Variants in ATG4B observed in about 807,000 individuals in gnomAD.
The protein encoded by ATG4B is autophagy related 4B cysteine peptidase.
In ATG4B, 29 loss-of-function variants were observed where a neutral mutation model predicts 56.6. The ratio of observed to expected loss-of-function variants is 0.51; its 90% CI spans 0.38 to 0.70. The LOEUF (loss-of-function observed/expected upper bound fraction) is 0.70, where lower values mean the gene tolerates loss of function less well. ATG4B is among the 30% of genes least tolerant of loss of function. The pLI, the probability that ATG4B is intolerant of heterozygous loss-of-function variation, is 0.00. For missense variants in ATG4B, 461 were observed against 515.5 expected, an observed-to-expected ratio of 0.89 and a Z score of 1.02; for synonymous variants, 224 against 206.1, an observed-to-expected ratio of 1.09 and a Z score of -0.74.
intron 7 of ATG4B, among the ~76,000 whole-genome samples, chr2:241,660,846 C>T (rs959510685): frequency 1.3e-5 from 2 of 152,324 alleles, no homozygotes; most frequent in African/African-American, 2.4e-5. Flanking sequence ...CTTACCCCCT[C>T]GTTCCGCACG....
In ATG4B at chr2:241,655,876, C is replaced by G. The variant is rs547953703; in HGVS notation, c.458+533C>G. On this transcript the variant is annotated intron_variant, in intron 6 of 12. Coordinates refer to ENST00000404914, the MANE Select transcript of ATG4B (RefSeq NM_013325.5). ...GCCCCCCAGATTCCTCTGAGATGAC[C>G]TTCCCTGCAGTTCCAGAAACTTGCC... Among the ~76,000 whole-genome samples the G allele has an allele frequency of 3.3e-5, 5 of 152,318 alleles. No individual in the cohort carries two copies. In the East Asian group the frequency reaches 5.8e-4, roughly 18 times the overall value.
intron 1 of ATG4B, among the ~76,000 whole-genome samples, chr2:241,642,570 T>TG (rs2067924542): frequency 2.8e-4 from 1 of 3,588 alleles, no homozygotes; most frequent in Non-Finnish European, 7.6e-4. Flanking sequence ...AATTTACTCG[T>TG]TTTTTTTTGT....
intron 1 of ATG4B, among the ~76,000 whole-genome samples, chr2:241,644,637 G>T (rs1450435039): frequency 6.6e-6 from 1 of 152,066 alleles, no homozygotes; most frequent in African/African-American, 2.4e-5. Flanking sequence ...TCAGACTCCA[G>T]AACCAAACCT....
chr2:241,669,538 C>T (rs1486948049), intron 10 of ATG4B, among the ~76,000 whole-genome samples: 1 of 152,194 alleles, frequency 6.6e-6, no homozygotes, highest in Non-Finnish European at 1.5e-5. Flanking sequence ...GACGGAGTCT[C>T]ACTCTGTCGC....
chr2:241,672,678 A>G lies in ATG4B; in HGVS notation c.*414A>G. The G allele has an allele frequency of 4.3e-6, 1 of 233,872 alleles. No homozygotes were observed. The allele number at this position is 233,872 out of a possible 1,614,324, so 14.5% of individuals were successfully genotyped here. On this transcript the variant is annotated 3_prime_UTR_variant, in exon 13 of 13. Coordinates refer to ENST00000404914, the MANE Select transcript of ATG4B (RefSeq NM_013325.5). ...GCTCCCTGAGTCAGAGTCTCAGAAGACCTGTGCAGGCTGGCGTGAGAGGAG... is the reference window on the plus strand; with the variant it reads ...GCTCCCTGAGTCAGAGTCTCAGAAGGCCTGTGCAGGCTGGCGTGAGAGGAG...
chr2:241,654,499 T>G, intron 4 of ATG4B, 47 bp from the exon 5 acceptor site: 2 of 1,352,244 alleles, frequency 1.5e-6, no homozygotes, highest in Non-Finnish European at 2.1e-6. Flanking sequence ...TGAAAACTTG[T>G]TTCTCATATT....
At chr2:241,663,901 C>T (rs2068671031) in intron 7 of ATG4B, among the ~76,000 whole-genome samples, 1 of 151,902 alleles carries the variant, frequency 6.6e-6, no homozygotes, top group Non-Finnish European at 1.5e-5. Context: ...TTTCCGCTGC[C>T]CAGGTTCAAG....
intron 3 of ATG4B, among the ~76,000 whole-genome samples, chr2:241,653,119 C>T (rs1401322608): frequency 1.3e-5 from 2 of 152,254 alleles, no homozygotes; most frequent in African/African-American, 4.8e-5. Flanking sequence ...GCGGCCCTTC[C>T]TGTGCTCTCA....
At chr2:241,666,518 A>G in intron 7 of ATG4B, 127 bp from the exon 8 acceptor site, 1 of 997,742 alleles carries the variant, frequency 1.0e-6, no homozygotes, top group Non-Finnish European at 1.5e-6. Flanking sequence ...TCCAAGTTTG[A>G]ATTTCACTGT....
intron 7 of ATG4B, among the ~76,000 whole-genome samples, chr2:241,665,119 CTA>C (rs2068722152): frequency 6.6e-6 from 1 of 152,206 alleles, no homozygotes; most frequent in Non-Finnish European, 1.5e-5. Flanking sequence ...GACCCCGTCT[CTA>C]AAAGAAATTT....
rs2068211763 is a variant in ATG4B at position 241,650,995 on chromosome 2, C to T, written c.11-15C>T. 1 of 1,602,296 alleles carries T rather than the reference C, an allele frequency of 6.2e-7. No homozygotes were observed. The highest frequency in any genetic ancestry group is 1.1e-5 in the South Asian group (1 of 89,910). Reference sequence around the variant, plus strand: ...TTATAAGTGTCTGATGATTGTGCATCTTTGGTTTCAACAGCTACTCTGACC... The same window carrying T: ...TTATAAGTGTCTGATGATTGTGCATTTTTGGTTTCAACAGCTACTCTGACC... On this transcript the variant is annotated splice_polypyrimidine_tract_variant and intron_variant, in intron 1 of 12. Coordinates refer to ENST00000404914, the MANE Select transcript of ATG4B (RefSeq NM_013325.5).
In ATG4B at chr2:241,641,951, A is replaced by G. The variant is rs150584532; in HGVS notation, c.10+4227A>G. On this transcript the variant is annotated intron_variant, in intron 1 of 12. Transcript: ENST00000404914. ...CAGGTGCCAGCACTTAAATAGCCAC[A>G]CTGCCCATTCCTTGAGGACAGAGCT... Among the ~76,000 whole-genome samples the G allele has an allele frequency of 9.2e-3, 1,393 of 152,216 alleles. 15 individuals are homozygous for G. Among genetic ancestry groups the G allele is most frequent in the African/African-American group, 0.032 (1,328 of 41,530 alleles).
At chr2:241,656,678 T>C (rs1373562098) in intron 6 of ATG4B, among the ~76,000 whole-genome samples, 1 of 152,160 alleles carries the variant, frequency 6.6e-6, no homozygotes, top group Admixed American at 6.5e-5. Flanking sequence ...GACTCCAAGC[T>C]CAGGTCCAGC....
intron 3 of ATG4B, chr2:241,653,282 G>A: frequency 6.7e-7 from 1 of 1,490,416 alleles, no homozygotes; most frequent in Non-Finnish European, 9.1e-7. Flanking sequence ...TGACTGACTT[G>A]TTCATGTGTT....
In ATG4B at chr2:241,668,517, GC is replaced by G; in HGVS notation, c.812-20del. ...CCTCTGCCGGCTCGGCCACCCACCT[GC>G]CCACCTGCCTCATCCTCCCAGGTGA... On this transcript the variant is annotated intron_variant, in intron 9 of 12. Transcript: ENST00000404914. This position sits in a 1 kb window ranked among gnomAD's most constrained non-coding sequence, Gnocchi z 4.2. 1.2e-6 allele frequency: 2 copies of G among 1,602,380 alleles called. No homozygotes were observed. Among genetic ancestry groups the G allele is most frequent in the Non-Finnish European group, 1.7e-6 (2 of 1,177,780 alleles).
chr2:241,658,108 G>A (rs2068466723), intron 6 of ATG4B, among the ~76,000 whole-genome samples: 4 of 152,242 alleles, frequency 2.6e-5, no homozygotes, highest in Admixed American at 2.0e-4. Flanking sequence ...ACCGGCCCAC[G>A]TGGCTGCTGC....
chr2:241,656,829 T>C (rs2068419209), intron 6 of ATG4B, among the ~76,000 whole-genome samples: 1 of 150,634 alleles, frequency 6.6e-6, no homozygotes, highest in Non-Finnish European at 1.5e-5. Flanking sequence ...GACCCCTCTT[T>C]TTGAGACGGA....
intron 7 of ATG4B, among the ~76,000 whole-genome samples, chr2:241,665,883 TGTCA>T (rs1265244802): frequency 6.6e-6 from 1 of 152,206 alleles, no homozygotes; most frequent in Admixed American, 6.5e-5. Context: ...GTCTGTCACC[TGTCA>T]GTCACTGTCA....
In ATG4B at chr2:241,651,091, G is replaced by A; in HGVS notation, c.92G>A (p.Arg31Lys). 6.2e-7 allele frequency: 1 copy of A among 1,613,678 alleles called. No homozygotes were observed. Among genetic ancestry groups the A allele is most frequent in the Non-Finnish European group, 8.5e-7 (1 of 1,179,736 alleles). Reference protein sequence around the residue: ...ETSEPVWILGRKYSIFTEKDE... With the variant: ...ETSEPVWILGKKYSIFTEKDE... ...TCAGAGCCCGTTTGGATACTGGGTAGAAAATACAGCATTTTCACAGGTATC... is the reference window on the plus strand; with the variant it reads ...TCAGAGCCCGTTTGGATACTGGGTAAAAAATACAGCATTTTCACAGGTATC... The change falls in exon 2 of 13, where the codon AGA becomes AAA. Residue 31 changes from arginine (R) to lysine (K), a missense_variant. Arg to Lys is a conservative substitution (Grantham distance 26, BLOSUM62 2). Coordinates refer to ENST00000404914, the MANE Select transcript of ATG4B (RefSeq NM_013325.5). The surrounding 1 kb of genome is among the most constrained non-coding windows in gnomAD (Gnocchi z 4.1).
Sources: gnomAD v4.1 joint callset for allele counts (sites outside exome capture counted in the v4.1 genomes callset) on GRCh38, gnomAD v4.1.1 for gene constraint, Gnocchi (gnomAD v3.1) non-coding constraint, MANE v1.5 for transcripts, NCBI Gene and HGNC (gene_info 2026-07-23, HGNC 2026-07-21) for gene names.